The following FNDC3B variants were observed in gnomAD, a reference collection of about 807,000 sequenced individuals.
FNDC3B encodes fibronectin type III domain containing 3B.
FNDC3B carries 12 observed loss-of-function variants against 151.5 expected under a neutral mutation model. That is an observed-to-expected ratio of 0.08 (90% CI 0.05 to 0.13). FNDC3B has a LOEUF of 0.13. Ranked by LOEUF, FNDC3B falls within the 10% of genes least tolerant of loss-of-function variation. The pLI, the probability that FNDC3B is intolerant of heterozygous loss-of-function variation, is 1.00. For synonymous variants in FNDC3B, 528 were observed against 549.0 expected, an observed-to-expected ratio of 0.96 and a Z score of 0.54; for missense variants, 1,214 against 1,505.3, an observed-to-expected ratio of 0.81 and a Z score of 3.20.
At chr3:172,379,175 C>T (rs527535971) in intron 24 of FNDC3B, among the ~76,000 whole-genome samples, 1 of 152,346 alleles carries the variant, frequency 6.6e-6, no homozygotes, top group South Asian at 2.1e-4. Flanking sequence ...GCATGCTCAG[C>T]CTGTCCACCC....
At chr3:172,378,559 C>T in intron 24 of FNDC3B, 123 bp downstream of exon 24, 1 of 934,560 alleles carries the variant, frequency 1.1e-6, no homozygotes, top group Non-Finnish European at 1.5e-6. Context: ...AAAGAACATT[C>T]TAAAGAAGAT....
chr3:172,367,804 G>C (rs376401427), intron 23 of FNDC3B, among the ~76,000 whole-genome samples: 2 of 152,292 alleles, frequency 1.3e-5, no homozygotes, highest in South Asian at 4.1e-4. Context: ...TGTTGTTGAG[G>C]TTTAGTCAGA....
At chr3:172,083,881 AC>A (rs1718410166) in intron 1 of FNDC3B, among the ~76,000 whole-genome samples, 1 of 152,214 alleles carries the variant, frequency 6.6e-6, no homozygotes, top group Non-Finnish European at 1.5e-5. Context: ...AGCCAGGTGG[AC>A]CCAGGCATAG....
rs1359384260 is a variant in FNDC3B, at chr3:172,264,975, G to A, written c.790+13434G>A. The stretch of plus-strand genomic sequence containing the variant: ...TTTTTATCTTTAATGATCTCAGTAG[G>A]AGGTAAACAACCTCGATAAGAGGAT... On this transcript the variant is annotated intron_variant, in intron 6 of 25. Coordinates refer to ENST00000415807, the MANE Select transcript of FNDC3B (RefSeq NM_022763.4). Among the ~76,000 whole-genome samples the A allele has an allele frequency of 2.0e-5, 3 of 152,074 alleles. No homozygotes were observed. The South Asian group carries it at 6.2e-4, about 32-fold the overall frequency.
At chr3:172,248,830 G>A (rs1727919622) in intron 5 of FNDC3B, among the ~76,000 whole-genome samples, 1 of 150,076 alleles carries the variant, frequency 6.7e-6, no homozygotes, top group South Asian at 2.1e-4. Flanking sequence ...ATATATCGTT[G>A]TAACTTAGGG....
At chr3:172,048,835 T>C (rs1716492052) in intron 1 of FNDC3B, among the ~76,000 whole-genome samples, 2 of 152,228 alleles carry the variant, frequency 1.3e-5, no homozygotes, top group Non-Finnish European at 2.9e-5. Context: ...GAAAACATTA[T>C]GCTAAGTGAA....
chr3:172,267,496 C>T (rs1289454942), intron 6 of FNDC3B, among the ~76,000 whole-genome samples: 1 of 152,178 alleles, frequency 6.6e-6, no homozygotes, highest in Non-Finnish European at 1.5e-5. Flanking sequence ...GTTCATAAAG[C>T]TGAATGCTAT....
At chr3:172,249,813 C>G (rs1727975256) in intron 5 of FNDC3B, among the ~76,000 whole-genome samples, 1 of 152,160 alleles carries the variant, frequency 6.6e-6, no homozygotes. Flanking sequence ...CAAAACAACT[C>G]TTGTTTATGC....
intron 6 of FNDC3B, among the ~76,000 whole-genome samples, chr3:172,269,632 G>T (rs999809445): frequency 2.8e-4 from 43 of 151,376 alleles, no homozygotes; most frequent in African/African-American, 1.0e-3. Context: ...TTTTTTGTTT[G>T]TTGTTTTGTT....
intron 3 of FNDC3B, among the ~76,000 whole-genome samples, chr3:172,149,904 C>T (rs188243194): frequency 4.4e-5 from 6 of 136,584 alleles, no homozygotes; most frequent in African/African-American, 1.1e-4. Context: ...CTGCAACCTC[C>T]GCTTCCCAGG....
intron 2 of FNDC3B, among the ~76,000 whole-genome samples, chr3:172,119,196 T>C (rs1012716091): frequency 7.3e-6 from 1 of 136,802 alleles, no homozygotes; most frequent in Non-Finnish European, 1.5e-5. Flanking sequence ...AAAAAAAGAA[T>C]GAGAGGATAG....
At chr3:172,234,202 A>G (rs976870733) in intron 4 of FNDC3B, among the ~76,000 whole-genome samples, 1 of 152,184 alleles carries the variant, frequency 6.6e-6, no homozygotes, top group Non-Finnish European at 1.5e-5. Flanking sequence ...GAGGCTCTAC[A>G]TCCAACTCTC....
chr3:172,264,810 A>T (rs1405563092), intron 6 of FNDC3B, among the ~76,000 whole-genome samples: 6 of 152,212 alleles, frequency 3.9e-5, no homozygotes, highest in Non-Finnish European at 7.3e-5. Context: ...TTATTTTAAG[A>T]CTATGTTACA....
chr3:172,210,124 C>A (rs1200910831), intron 3 of FNDC3B, among the ~76,000 whole-genome samples: 1 of 152,132 alleles, frequency 6.6e-6, no homozygotes, highest in Non-Finnish European at 1.5e-5. Flanking sequence ...TGCCCAGGGA[C>A]GCAGGCTCCC....
At chr3:172,109,327 G>A (rs148970084) in intron 1 of FNDC3B, among the ~76,000 whole-genome samples, 2,481 of 152,158 alleles carry the variant, frequency 0.016, 76 homozygotes, top group African/African-American at 0.057. Context: ...CACTGCGCCC[G>A]GCTAATTTTT....
chr3:172,134,739 A>G (rs543541781), intron 3 of FNDC3B, among the ~76,000 whole-genome samples: 23 of 152,150 alleles, frequency 1.5e-4, no homozygotes, highest in Non-Finnish European at 2.5e-4. Context: ...AAATTATTTA[A>G]TCACTTTTAT....
chr3:172,319,510 A>G (rs991267165), intron 11 of FNDC3B, among the ~76,000 whole-genome samples: 1 of 152,192 alleles, frequency 6.6e-6, no homozygotes, highest in Non-Finnish European at 1.5e-5. Flanking sequence ...GTGCTGAGGG[A>G]TAAAATGCCT....
At chr3:172,104,308 A>C (rs2108527335) in intron 1 of FNDC3B, among the ~76,000 whole-genome samples, 1 of 152,268 alleles carries the variant, frequency 6.6e-6, no homozygotes, top group South Asian at 2.1e-4. Flanking sequence ...AGAGGAAATT[A>C]ATTACTGAAG....
At chr3:172,183,361 ACT>A (rs1485839134) in intron 3 of FNDC3B, among the ~76,000 whole-genome samples, 6 of 151,812 alleles carry the variant, frequency 4.0e-5, no homozygotes, top group African/African-American at 1.2e-4. Context: ...TGTATGAAAA[ACT>A]CTGATTTTAT....
Sources: gnomAD v4.1 joint callset for allele counts (sites outside exome capture counted in the v4.1 genomes callset) on GRCh38, gnomAD v4.1.1 for gene constraint, MANE v1.5 for transcripts, NCBI Gene and HGNC (gene_info 2026-07-23, HGNC 2026-07-21) for gene names.